Variants in DHRSX observed in about 807,000 individuals in gnomAD.
DHRSX encodes the protein polyprenol dehydrogenase.
DHRSX carries 31 observed loss-of-function variants against 34.0 expected under a neutral mutation model. That is an observed-to-expected ratio of 0.91 (90% CI 0.69 to 1.23). DHRSX has a LOEUF of 1.23. Among genes scored for constraint, DHRSX ranks in the 50% most tolerant of loss-of-function variants. The pLI is 0.00. For synonymous variants in DHRSX, 201 were observed against 183.8 expected (o/e 1.09, Z -0.76); for missense variants, 414 against 428.1 (o/e 0.97, Z 0.29).
intron 1 of DHRSX, chrX:2,488,332 T>G (rs4892841): frequency 0.21 from 75,233 of 352,186 alleles, 10,643 homozygotes; most frequent in East Asian, 0.66. Context: ...ATGCCATCAG[T>G]CCTGGCTAAT....
intron 3 of DHRSX, among the ~76,000 whole-genome samples, chrX:2,381,838 G>A (rs1424343401): frequency 6.8e-6 from 1 of 146,744 alleles, no homozygotes; most frequent in African/African-American, 2.5e-5. Flanking sequence ...ACACACATGA[G>A]GTGAGAAGGA....
chrX:2,259,359 GAT>G, intron 5 of DHRSX, among the ~76,000 whole-genome samples: 1 of 110,856 alleles, frequency 9.0e-6, no homozygotes, highest in African/African-American at 2.8e-5. Context: ...TATATAGATA[GAT>G]ATAGATATAT....
chrX:2,290,865 TGA>T (rs1239228428), intron 4 of DHRSX, among the ~76,000 whole-genome samples: 1 of 152,154 alleles, frequency 6.6e-6, no homozygotes, highest in East Asian at 1.9e-4. Context: ...CAGCAGGGGA[TGA>T]GAGTAATGGG....
At chrX:2,500,795 A>ACCCCTGC in intron 1 of DHRSX, 22 bp downstream of exon 1, 1 of 1,024,610 alleles carries the variant, frequency 9.8e-7, no homozygotes, top group Non-Finnish European at 1.2e-6. Context: ...CGGAGCCCTG[A>ACCCCTGC]CCCCTGCCCC....
In DHRSX at chrX:2,319,141, A is replaced by G. The variant is rs766158289; in HGVS notation, c.287-27538T>C. Reference sequence around the variant, plus strand: ...AACACAGTTGACTGTTGGACAACATACATCTGAACTGAGCAGATTCACCCA... The same window carrying G: ...AACACAGTTGACTGTTGGACAACATGCATCTGAACTGAGCAGATTCACCCA... On this transcript the variant is annotated intron_variant, in intron 3 of 6. Transcript: ENST00000334651. Among the ~76,000 whole-genome samples, 4 of 152,168 alleles carry G rather than the reference A, an allele frequency of 2.6e-5. No homozygotes were observed. In the South Asian group the frequency reaches 8.3e-4, roughly 32 times the overall value.
intron 6 of DHRSX, among the ~76,000 whole-genome samples, chrX:2,231,344 G>T (rs1031641461): frequency 6.6e-6 from 1 of 151,986 alleles, no homozygotes; most frequent in African/African-American, 2.4e-5. Context: ...GATCTGGGTG[G>T]CATCACCTCT....
At chrX:2,321,099 CT>C (rs1380907655) in intron 3 of DHRSX, among the ~76,000 whole-genome samples, 3 of 152,148 alleles carry the variant, frequency 2.0e-5, no homozygotes. Flanking sequence ...CATTCCTGGG[CT>C]TGTGGCGTGG....
chrX:2,225,317 T>C (rs764588182), intron 6 of DHRSX, among the ~76,000 whole-genome samples: 12 of 143,168 alleles, frequency 8.4e-5, no homozygotes, highest in Admixed American at 8.2e-4. Context: ...CATGCACACA[T>C]ACACATGCAC....
At chrX:2,283,040 G>T (rs992145246) in intron 4 of DHRSX, among the ~76,000 whole-genome samples, 1 of 151,552 alleles carries the variant, frequency 6.6e-6, no homozygotes, top group Non-Finnish European at 1.5e-5. Flanking sequence ...GGAGAAGGAG[G>T]AGAGAGAGAC....
Position 2,500,933 on chromosome X carries a change from CCGGCCGCGCCGCCGCCG to C in DHRSX, c.-25_-9del. On this transcript the variant is annotated 5_prime_UTR_variant, in exon 1 of 7. Transcript: ENST00000334651. ...CGCAGACAATGGCGACATGGCTGCC[CCGGCCGCGCCGCCGCCG>C]CTTCCGCGCCGCCCGCGGGACTCTG... 1 of 1,058,642 alleles carries C rather than the reference CCGGCCGCGCCGCCGCCG, an allele frequency of 9.4e-7. No homozygotes were observed. The allele number at this position is 1,058,642 out of a possible 1,614,324, so 65.6% of individuals were successfully genotyped here.
chrX:2,482,280 C>G, intron 1 of DHRSX, among the ~76,000 whole-genome samples: 1 of 152,064 alleles, frequency 6.6e-6, no homozygotes, highest in Non-Finnish European at 1.5e-5. Context: ...CAAATGCACA[C>G]CTTATGTCCA....
At chrX:2,476,019 C>T (rs2044673151) in intron 1 of DHRSX, among the ~76,000 whole-genome samples, 1 of 152,208 alleles carries the variant, frequency 6.6e-6, no homozygotes, top group Admixed American at 6.5e-5. Context: ...CAAAATCAGG[C>T]TGTGAGGAGT....
intron 3 of DHRSX, among the ~76,000 whole-genome samples, chrX:2,358,265 G>A (rs73189688): frequency 0.11 from 17,398 of 152,044 alleles, 1,346 homozygotes; most frequent in Non-Finnish European, 0.17. Context: ...TCTGATAAAG[G>A]TTTAATATCC....
chrX:2,360,480 G>T (rs1231259997), intron 3 of DHRSX, among the ~76,000 whole-genome samples: 1 of 152,160 alleles, frequency 6.6e-6, no homozygotes, highest in Non-Finnish European at 1.5e-5. Flanking sequence ...CTACTTGGGA[G>T]GCTGAGGCAG....
chrX:2,335,380 C>T lies in DHRSX; in HGVS notation c.287-43777G>A, dbSNP rs186999760. On this transcript the variant is annotated intron_variant, in intron 3 of 6. Coordinates refer to ENST00000334651, the MANE Select transcript of DHRSX (RefSeq NM_145177.3). ...TCCATCCAGAAACACGGGGACGACT[C>T]GAAGTGGGGAGGGGGCTTCCAGGTC... Among the ~76,000 whole-genome samples the T allele has an allele frequency of 5.8e-3, 875 of 151,826 alleles. 35 individuals carry two copies. Among genetic ancestry groups the T allele is most frequent in the Admixed American group, 0.053 (797 of 15,108 alleles).
intron 3 of DHRSX, among the ~76,000 whole-genome samples, chrX:2,376,991 A>C (rs1269931388): frequency 2.3e-5 from 3 of 131,724 alleles, no homozygotes; most frequent in African/African-American, 8.5e-5. Context: ...CAAAAACTCT[A>C]TCTCAAAAAA....
At chrX:2,411,148 G>C (rs1301199362) in intron 2 of DHRSX, among the ~76,000 whole-genome samples, 2 of 152,086 alleles carry the variant, frequency 1.3e-5, no homozygotes, top group African/African-American at 2.4e-5. Context: ...CTTTACACTG[G>C]GGACTTGTAC....
chrX:2,443,224 G>T (rs895400460), intron 1 of DHRSX, among the ~76,000 whole-genome samples: 9 of 151,754 alleles, frequency 5.9e-5, no homozygotes, highest in Admixed American at 2.6e-4. Flanking sequence ...TATAGACGGG[G>T]GTCTCACTGC....
intron 3 of DHRSX, among the ~76,000 whole-genome samples, chrX:2,394,590 G>A (rs1386915799): frequency 6.6e-6 from 1 of 152,076 alleles, no homozygotes. Flanking sequence ...AGTTGGGGCC[G>A]GGCACAGTGG....
Sources: allele counts gnomAD v4.1 joint callset (sites outside exome capture counted in the v4.1 genomes callset), GRCh38; gene constraint gnomAD v4.1.1; transcripts MANE v1.5; gene names NCBI Gene and HGNC (gene_info 2026-07-23, HGNC 2026-07-21).